LPA: variants seen among roughly 807,000 people sequenced by gnomAD.
LPA encodes the protein lipoprotein(a).
Under a neutral mutation model 197.9 loss-of-function variants are expected in LPA, and 199 were observed. The ratio of observed to expected loss-of-function variants is 1.01; its 90% CI spans 0.90 to 1.13. LPA has a LOEUF of 1.13. LPA is among the 50% of genes most tolerant of loss of function. The pLI is 0.00. For missense variants in LPA, 1,853 were observed against 1,785.8 expected (o/e 1.04, Z -0.68); for synonymous variants, 715 against 639.5 (o/e 1.12, Z -1.78).
In LPA at chr6:160,584,334, C is replaced by CT. The variant is rs61645510; in HGVS notation, c.4289+711dup. On this transcript the variant is annotated intron_variant, in intron 26 of 38. Transcript: ENST00000316300. ...CTCTTCTTCTTTTCTTCTTCTTCTT[C>CT]TTTTTTTTTTTTTTTGAGATTGAGT... Among the ~76,000 whole-genome samples the CT allele has an allele frequency of 5.4e-3, 567 of 105,722 alleles. 11 individuals carry two copies. The highest frequency in any genetic ancestry group is 0.017 in the African/African-American group (511 of 29,330). The allele number at this position is 105,722 out of a possible 152,430, so 69.4% of individuals were successfully genotyped here.
At chr6:160,545,253 A>G (rs1040646027) in intron 33 of LPA, among the ~76,000 whole-genome samples, 187 bp downstream of exon 33, 1 of 152,008 alleles carries the variant, frequency 6.6e-6, no homozygotes, top group African/African-American at 2.4e-5. Flanking sequence ...GTGTTTTCCT[A>G]ACAAATGGGG....
chr6:160,590,903 C>T, intron 23 of LPA, 41 bp downstream of exon 23: 2 of 1,613,468 alleles, frequency 1.2e-6, no homozygotes, highest in Non-Finnish European at 1.7e-6. Context: ...CTTTTTATCC[C>T]AACGTCCAAG....
intron 24 of LPA, among the ~76,000 whole-genome samples, chr6:160,588,560 T>C (rs192848510): frequency 7.9e-5 from 12 of 152,340 alleles, no homozygotes; most frequent in Non-Finnish European, 1.6e-4. Flanking sequence ...TTTGTTGTTC[T>C]TTCTTTATGA....
Position 160,547,940 on chromosome 6 carries a change from G to A in LPA, c.5156-3C>T. ...TTTCCCATTCCCAAACATACAGTCT[G>A]TAGAAAAAAATAAAAATAAAACAGA... On this transcript the variant is annotated splice_region_variant and splice_polypyrimidine_tract_variant and intron_variant, in intron 31 of 38. Coordinates refer to ENST00000316300, the MANE Select transcript of LPA (RefSeq NM_005577.4). 6.2e-7 allele frequency: 1 copy of A among 1,613,732 alleles called. No individual in the cohort carries two copies. The highest frequency in any genetic ancestry group is 8.5e-7 in the Non-Finnish European group (1 of 1,179,936).
intron 28 of LPA, among the ~76,000 whole-genome samples, chr6:160,563,157 T>G (rs1778391150): frequency 6.6e-6 from 1 of 152,208 alleles, no homozygotes; most frequent in African/African-American, 2.4e-5. Flanking sequence ...AATTGTGATG[T>G]TAGGGTGTTG....
intron 2 of LPA, 135 bp downstream of exon 2, chr6:160,650,203 A>G: frequency 2.4e-6 from 2 of 823,534 alleles, no homozygotes; most frequent in South Asian, 1.4e-5. Context: ...GCTCAAAGTA[A>G]TGTTTCTCAG....
chr6:160,547,323 G>A (rs1380808084), intron 32 of LPA, among the ~76,000 whole-genome samples: 1 of 152,084 alleles, frequency 6.6e-6, no homozygotes, highest in African/African-American at 2.4e-5. Context: ...TTCACAATAG[G>A]GTTTGTGCTA....
chr6:160,599,413 T>G, intron 20 of LPA, 87 bp downstream of exon 20: 1 of 1,572,120 alleles, frequency 6.4e-7, no homozygotes, highest in Non-Finnish European at 8.7e-7. Flanking sequence ...CCAAGTTGAG[T>G]CCTGAGCAGT....
chr6:160,611,265 G>C (rs997602673), intron 16 of LPA, among the ~76,000 whole-genome samples: 8 of 152,070 alleles, frequency 5.3e-5, no homozygotes, highest in Admixed American at 3.9e-4. Context: ...ACGCTTAGTG[G>C]GTGTTGGGCA....
chr6:160,557,521 C>T lies in LPA; in HGVS notation c.4682G>A (p.Trp1561Ter). 1 of 1,614,048 alleles carries T rather than the reference C, an allele frequency of 6.2e-7. No homozygotes were observed. Among genetic ancestry groups the T allele is most frequent in the Non-Finnish European group, 8.5e-7 (1 of 1,180,004 alleles). The change falls in exon 29 of 39, where the codon TGG (tryptophan) becomes TAG (stop). Residue 1561 changes from tryptophan (W) to a stop codon, truncating the protein, a stop_gained. Transcript: ENST00000316300. LOFTEE classifies it high-confidence loss of function. ...CACACACGGATCGGTTGTGTAACACCAGGGTTGTTTCCCAGAATCTGGATT... is the reference window on the plus strand; with the variant it reads ...CACACACGGATCGGTTGTGTAACACTAGGGTTGTTTCCCAGAATCTGGATT... The part of the protein sequence containing the change: ...CRNPDSGKQP[W>*]CYTTDPCVRW...
intron 2 of LPA, among the ~76,000 whole-genome samples, chr6:160,647,197 G>A (rs1026212713): frequency 6.6e-6 from 1 of 152,136 alleles, no homozygotes; most frequent in African/African-American, 2.4e-5. Context: ...GGGTCCCATG[G>A]CATAAAGGAA....
At position 160,587,629 on chromosome 6, in the gene LPA, C is replaced by G. The variant is rs540524328; in HGVS notation, c.3948-999G>C. Among the ~76,000 whole-genome samples the G allele has an allele frequency of 9.7e-4, 147 of 152,204 alleles. 1 individual carries two copies. Among genetic ancestry groups the G allele is most frequent in the African/African-American group, 3.4e-3 (142 of 41,532 alleles). On this transcript the variant is annotated intron_variant, in intron 24 of 38. Coordinates refer to ENST00000316300, the MANE Select transcript of LPA (RefSeq NM_005577.4). ...GGCGTGTTGCGAGCCATCATCGCTT[C>G]AAGTATAATGTCTGTCATGATATCT... is the stretch of plus-strand genomic sequence containing the variant.
chr6:160,652,635 A>C (rs1780028104), intron 1 of LPA, among the ~76,000 whole-genome samples: 1 of 152,164 alleles, frequency 6.6e-6, no homozygotes, highest in African/African-American at 2.4e-5. Flanking sequence ...AAAATAAAGA[A>C]ATTATTCAAA....
At chr6:160,534,188 T>TA (rs1777849440) in intron 37 of LPA, among the ~76,000 whole-genome samples, 1 of 152,168 alleles carries the variant, frequency 6.6e-6, no homozygotes, top group South Asian at 2.1e-4. Flanking sequence ...TACCGAGCAT[T>TA]GGGCATGGGA....
chr6:160,659,919 G>A (rs1780195380), intron 1 of LPA, among the ~76,000 whole-genome samples: 1 of 152,226 alleles, frequency 6.6e-6, no homozygotes, highest in Admixed American at 6.5e-5. Context: ...AGTACAACGG[G>A]TACGGCTAAT....
At chr6:160,580,700 T>C (rs1317173434) in intron 26 of LPA, among the ~76,000 whole-genome samples, 1 of 152,210 alleles carries the variant, frequency 6.6e-6, no homozygotes, top group Non-Finnish European at 1.5e-5. Flanking sequence ...GTTGGCTCTG[T>C]GTGCATCTTC....
chr6:160,664,096 T>C (rs1780269616), intron 1 of LPA, 70 bp downstream of exon 1: 8 of 1,286,806 alleles, frequency 6.2e-6, no homozygotes, highest in African/African-American at 3.0e-5. Context: ...CATAAAGCCA[T>C]GGCATATGTA....
At chr6:160,560,701 T>C (rs1329887868) in intron 28 of LPA, among the ~76,000 whole-genome samples, 2 of 152,270 alleles carry the variant, frequency 1.3e-5, no homozygotes, top group East Asian at 3.9e-4. Context: ...CTTTGTCAGA[T>C]GGCTAGACCA....
chr6:160,653,989 A>G (rs12201989), intron 1 of LPA, among the ~76,000 whole-genome samples: 33 of 7,802 alleles, frequency 4.2e-3, no homozygotes, highest in African/African-American at 0.012. Context: ...ATAATATATA[A>G]TATATATTAT....
Sources: allele counts gnomAD v4.1 joint callset (sites outside exome capture counted in the v4.1 genomes callset), GRCh38; gene constraint gnomAD v4.1.1; transcripts MANE v1.5; gene names NCBI Gene and HGNC (gene_info 2026-07-23, HGNC 2026-07-21).